Variants in PLA2G4D observed in about 807,000 individuals in gnomAD.
PLA2G4D encodes the protein cytosolic phospholipase A2 delta.
Under a neutral mutation model 94.4 loss-of-function variants are expected in PLA2G4D, and 80 were observed. That is an observed-to-expected ratio of 0.85 (90% CI 0.71 to 1.02). The LOEUF (loss-of-function observed/expected upper bound fraction) is 1.02, where lower values mean the gene tolerates loss of function less well. Among genes scored for constraint, PLA2G4D ranks in the 50% least tolerant of loss-of-function variants. The pLI, the probability that PLA2G4D is intolerant of heterozygous loss-of-function variation, is 0.00. For synonymous variants in PLA2G4D, 438 were observed against 440.9 expected (o/e 0.99, Z 0.08); for missense variants, 1,050 against 1,034.7 (o/e 1.01, Z -0.20).
At position 42,079,592 on chromosome 15, in the gene PLA2G4D, G is replaced by A. The variant is rs1424515288; in HGVS notation, c.1262C>T (p.Pro421Leu). The A allele has an allele frequency of 7.5e-6, 12 of 1,609,360 alleles. No individual in the cohort carries two copies. Among genetic ancestry groups the A allele is most frequent in the Non-Finnish European group, 1.0e-5 (12 of 1,178,788 alleles). ...ELELRAEQGH[P>L]TTFVDLWALV... ...CGCCCACAGGTCCACAAAGGTCGTG[G>A]GGTGGCCCTGCTCAGCCCGCAGCTC... The change falls in exon 13 of 20, where the codon CCC (proline) becomes CTC (leucine). Residue 421 changes from proline to leucine, a missense_variant. Coordinates refer to ENST00000290472, the MANE Select transcript of PLA2G4D (RefSeq NM_178034.4).
rs140692599 is a variant in PLA2G4D at position 42,082,909 on chromosome 15, G to GGT, written c.672+287_672+288dup. On this transcript the variant is annotated intron_variant, in intron 8 of 19. Coordinates refer to ENST00000290472, the MANE Select transcript of PLA2G4D (RefSeq NM_178034.4). ...CAAAATGAGGCGGCAGAGGTGGACG[G>GGT]GTGCCAGGCTGTGCAGGGCCATGTG... Among the ~76,000 whole-genome samples the GGT allele has an allele frequency of 3.1e-3, 471 of 152,300 alleles. 2 individuals are homozygous for GGT. Among genetic ancestry groups the GGT allele is most frequent in the African/African-American group, 0.01 (425 of 41,556 alleles).
rs148579768 is a variant in PLA2G4D, at chr15:42,072,359, C to A, written c.1351G>T (p.Ala451Ser). ...MDQKLSGQRA[A>S]LERGQNPLPL... ...AGAGGGTTCTGACCCCGTTCCAGGG[C>A]GGCTCTCTGTCCTGACAGCTTCTGA... The change falls in exon 14 of 20, where the codon GCC (alanine) becomes TCC (serine). Residue 451 changes from alanine (A) to serine (S), a missense_variant. Ala to Ser is a moderately conservative substitution (Grantham distance 99, BLOSUM62 1). Transcript: ENST00000290472. 3.1e-6 allele frequency: 5 copies of A among 1,613,286 alleles called. No individual in the cohort carries two copies. The African/African-American group carries it at 4.0e-5, about 13-fold the overall frequency.
chr15:42,079,410 G>T, intron 13 of PLA2G4D, 127 bp downstream of exon 13: 2 of 887,880 alleles, frequency 2.3e-6, no homozygotes, highest in Non-Finnish European at 3.3e-6. Flanking sequence ...CCAAAGTGAG[G>T]CAGACACTAA....
In PLA2G4D at chr15:42,068,659, C is replaced by G; in HGVS notation, c.*56G>C. On this transcript the variant is annotated 3_prime_UTR_variant, in exon 20 of 20. Transcript: ENST00000290472. ...CAGGAAGGCCTGTGGCTGAGCCCAG[C>G]TACAGATCAGGTTATGCCCGCAGGC... is the stretch of plus-strand genomic sequence containing the variant. 1 of 1,506,870 alleles carries G rather than the reference C, an allele frequency of 6.6e-7. No individual in the cohort carries two copies. The highest frequency in any genetic ancestry group is 9.0e-7 in the Non-Finnish European group (1 of 1,112,250). 93.3% of individuals were successfully genotyped at this position (1,506,870 alleles called of 1,614,324 possible). A position where few individuals can be genotyped will look rare whatever the true frequency, so the allele number is the denominator to read the frequency against.
In PLA2G4D at chr15:42,070,806, T is replaced by C. The variant is rs1331986241; in HGVS notation, c.1954A>G (p.Ile652Val). The change falls in exon 18 of 20, where the codon ATC becomes GTC. Residue 652 changes from isoleucine to valine, a missense_variant. By Grantham distance (29) the Ile-to-Val change is conservative. Transcript: ENST00000290472. Reference sequence around the variant, plus strand: ...AACATGGAGGGAGAGCTGGTGTTGATGAAGTAGGCGGCGTCCACCAGGCAG... The same window carrying C: ...AACATGGAGGGAGAGCTGGTGTTGACGAAGTAGGCGGCGTCCACCAGGCAG... Reference protein sequence around the residue: ...RLCLVDAAYFINTSSPSMFRP... With the variant: ...RLCLVDAAYFVNTSSPSMFRP... The C allele has an allele frequency of 6.2e-7, 1 of 1,608,558 alleles. No individual in the cohort carries two copies. Among genetic ancestry groups the C allele is most frequent in the South Asian group, 1.1e-5 (1 of 89,610 alleles).
In PLA2G4D at chr15:42,086,194, T is replaced by TGGGGGGGGGGGGCGCG; in HGVS notation, c.387+18_387+19insCGCGCCCCCCCCCCCC. 1.5e-6 allele frequency: 2 copies of TGGGGGGGGGGGGCGCG among 1,370,440 alleles called. No individual in the cohort carries two copies. Among genetic ancestry groups the TGGGGGGGGGGGGCGCG allele is most frequent in the Non-Finnish European group, 1.9e-6 (2 of 1,043,080 alleles). 84.9% of individuals were successfully genotyped at this position (1,370,440 alleles called of 1,614,324 possible). A position where few individuals can be genotyped will look rare whatever the true frequency, so the allele number is the denominator to read the frequency against. ...GGAAGAAGTGGGGCCCACGGGGACT[T>TGGGGGGGGGGGGCGCG]CCCCACCCACCCACCCACCTGGGGA... On this transcript the variant is annotated intron_variant, in intron 4 of 19. Transcript: ENST00000290472.
chr15:42,081,344 C>A, intron 11 of PLA2G4D, 135 bp downstream of exon 11: 3 of 1,453,696 alleles, frequency 2.1e-6, no homozygotes, highest in Admixed American at 2.1e-5. Flanking sequence ...AACCACAAAG[C>A]CCACTCACGC....
At position 42,085,547 on chromosome 15, in the gene PLA2G4D, A is replaced by T. The variant is rs761681627; in HGVS notation, c.388-16T>A. On this transcript the variant is annotated splice_polypyrimidine_tract_variant and intron_variant, in intron 4 of 19. Coordinates refer to ENST00000290472, the MANE Select transcript of PLA2G4D (RefSeq NM_178034.4). ...CCTCCTCTCCCTGAAATCAGAGAGC[A>T]TGAGCAAGTCATCAGCACATACCTG... The T allele has an allele frequency of 1.7e-5, 28 of 1,612,484 alleles. No individual in the cohort carries two copies.
rs191071530 is a variant in PLA2G4D, at chr15:42,077,998, A to T, written c.1317+1539T>A. Reference sequence around the variant, plus strand: ...ACAGTTTACTCATTCCCTGGCAACAACCTGGAAGTTACGACCTTTTTCTAG... The same window carrying T: ...ACAGTTTACTCATTCCCTGGCAACATCCTGGAAGTTACGACCTTTTTCTAG... On this transcript the variant is annotated intron_variant, in intron 13 of 19. Coordinates refer to ENST00000290472, the MANE Select transcript of PLA2G4D (RefSeq NM_178034.4). 3.3e-5 allele frequency among the ~76,000 whole-genome samples: 5 copies of T among 152,374 alleles called. No homozygotes were observed. In the East Asian group the frequency reaches 9.6e-4, roughly 29 times the overall value.
chr15:42,074,560 G>A (rs913202253), intron 13 of PLA2G4D, among the ~76,000 whole-genome samples: 1 of 152,080 alleles, frequency 6.6e-6, no homozygotes, highest in Non-Finnish European at 1.5e-5. Flanking sequence ...TTTTACGAGC[G>A]GGTTTTTATA....
In PLA2G4D at chr15:42,086,194, T is replaced by TACAC; in HGVS notation, c.387+18_387+19insGTGT. 7.3e-7 allele frequency: 1 copy of TACAC among 1,370,444 alleles called. No individual in the cohort carries two copies. The highest frequency in any genetic ancestry group is 9.6e-7 in the Non-Finnish European group (1 of 1,043,084). The allele number at this position is 1,370,444 out of a possible 1,614,324, so 84.9% of individuals were successfully genotyped here. The stretch of plus-strand genomic sequence containing the variant: ...GGAAGAAGTGGGGCCCACGGGGACT[T>TACAC]CCCCACCCACCCACCCACCTGGGGA... On this transcript the variant is annotated intron_variant, in intron 4 of 19. Transcript: ENST00000290472.
chr15:42,080,980 TC>T lies in PLA2G4D; in HGVS notation c.1094+16del. Reference sequence around the variant, plus strand: ...GCCCCTGATTGTCTCTGCCACCCAGTCCCCCAGGATCCTCACCACGTAGAGC... The same window carrying T: ...GCCCCTGATTGTCTCTGCCACCCAGTCCCCAGGATCCTCACCACGTAGAGC... On this transcript the variant is annotated intron_variant, in intron 12 of 19. Transcript: ENST00000290472. 4 of 1,611,528 alleles carry T rather than the reference TC, an allele frequency of 2.5e-6. No individual in the cohort carries two copies. Among genetic ancestry groups the T allele is most frequent in the Non-Finnish European group, 3.4e-6 (4 of 1,178,664 alleles).
Position 42,068,693 on chromosome 15 carries a change from G to A in PLA2G4D, c.*22C>T, listed in dbSNP as rs1022988094. The A allele has an allele frequency of 6.3e-7, 1 of 1,582,884 alleles. No homozygotes were observed. The highest frequency in any genetic ancestry group is 2.3e-5 in the East Asian group (1 of 43,270). The stretch of plus-strand genomic sequence containing the variant: ...AGGTTATGCCCGCAGGCCCTGGAGG[G>A]TCCTGCAGCCTCTGAGCAACCTCAG... On this transcript the variant is annotated 3_prime_UTR_variant, in exon 20 of 20. Transcript: ENST00000290472.
chr15:42,069,055 C>G (rs1330869334), intron 19 of PLA2G4D, 114 bp from the exon 20 acceptor site: 1 of 828,500 alleles, frequency 1.2e-6, no homozygotes, highest in Non-Finnish European at 1.9e-6. Context: ...CCTCCCAGCT[C>G]TCTGTGTCCT....
At chr15:42,070,137 A>G (rs750846782) in intron 18 of PLA2G4D, 42 bp from the exon 19 acceptor site, 15 of 1,442,288 alleles carry the variant, frequency 1.0e-5, no homozygotes, top group Non-Finnish European at 1.4e-5. Flanking sequence ...AGCCCGGCCC[A>G]GGTCAATGCT....
intron 13 of PLA2G4D, among the ~76,000 whole-genome samples, chr15:42,075,383 G>A (rs777715496): frequency 3.3e-5 from 5 of 152,184 alleles, no homozygotes; most frequent in Non-Finnish European, 5.9e-5. Flanking sequence ...GTAACTAATT[G>A]CTGCCACTCA....
At chr15:42,070,290 T>C (rs1889778750) in intron 18 of PLA2G4D, 195 bp from the exon 19 acceptor site, 2 of 571,568 alleles carry the variant, frequency 3.5e-6, no homozygotes, top group Admixed American at 7.8e-5. Context: ...GCAATGTTGT[T>C]TGGTTAAAAG....
chr15:42,083,205 C>T lies in PLA2G4D; in HGVS notation c.665G>A (p.Arg222His), dbSNP rs548158271. ...TCTAGAGCCAAGACCCACCCTCAGG[C>T]GCCCGCTCAGCTCTGTCTCTAGGGC... ...MAALETELSG[R>H]LRSSRSNGWN... Residue 222 changes from arginine to histidine, a missense_variant, in exon 8 of 20, where the codon CGC (arginine) becomes CAC (histidine). Coordinates refer to ENST00000290472, the MANE Select transcript of PLA2G4D (RefSeq NM_178034.4). 9 of 1,613,364 alleles carry T rather than the reference C, an allele frequency of 5.6e-6. No homozygotes were observed. Among genetic ancestry groups the T allele is most frequent in the East Asian group, 4.5e-5 (2 of 44,872 alleles).
chr15:42,079,374 A>C (rs980012012), intron 13 of PLA2G4D, among the ~76,000 whole-genome samples, 163 bp downstream of exon 13: 2 of 152,256 alleles, frequency 1.3e-5, no homozygotes, highest in Non-Finnish European at 2.9e-5. Context: ...TAATTAAAGA[A>C]TCTGCTAACT....
Sources: allele counts gnomAD v4.1 joint callset (sites outside exome capture counted in the v4.1 genomes callset), GRCh38; gene constraint gnomAD v4.1.1; transcripts MANE v1.5; gene names NCBI Gene and HGNC (gene_info 2026-07-23, HGNC 2026-07-21).